MYO18A: variants seen among roughly 807,000 people sequenced by gnomAD.
The protein encoded by MYO18A is myosin XVIIIA, also known as unconventional myosin-XVIIIa.
Under a neutral mutation model 235.8 loss-of-function variants are expected in MYO18A, and 78 were observed. The ratio of observed to expected loss-of-function variants is 0.33; its 90% CI spans 0.28 to 0.40. The LOEUF (loss-of-function observed/expected upper bound fraction) is 0.40. Among genes scored for constraint, MYO18A ranks in the 10% least tolerant of loss-of-function variants. MYO18A has a pLI of 1.00. For synonymous variants in MYO18A, 977 were observed against 1,077.8 expected (o/e 0.91, Z 1.83); for missense variants, 2,215 against 2,699.3 (o/e 0.82, Z 3.98).
At chr17:29,128,255 G>T in intron 2 of MYO18A, 1 of 1,169,168 alleles carries the variant, frequency 8.6e-7, no homozygotes. Flanking sequence ...CTTGCTTCGA[G>T]TCGGGTGCTC....
intron 2 of MYO18A, among the ~76,000 whole-genome samples, chr17:29,137,354 A>G (rs543064032): frequency 1.1e-3 from 170 of 152,222 alleles, no homozygotes; most frequent in Non-Finnish European, 2.2e-3. Context: ...TATAAACTAC[A>G]GAGAACAACA....
intron 2 of MYO18A, among the ~76,000 whole-genome samples, chr17:29,136,521 AC>A (rs1478600560): frequency 3.3e-5 from 5 of 152,144 alleles, no homozygotes; most frequent in African/African-American, 9.7e-5. Context: ...AATATGGAGC[AC>A]CTACAATGAG....
In MYO18A at chr17:29,125,328, G is replaced by A. The variant is rs2067295316; in HGVS notation, c.1000-3075C>T. On this transcript the variant is annotated intron_variant, in intron 2 of 41. Coordinates refer to ENST00000527372, the MANE Select transcript of MYO18A (RefSeq NM_078471.4). This position sits in a 1 kb window ranked among gnomAD's most constrained non-coding sequence, Gnocchi z 5.1. Reference sequence around the variant, plus strand: ...CGTACCCTATAGCACTCCCACCTCTGCCAGCCAGGCACACCGACCCCATCT... The same window carrying A: ...CGTACCCTATAGCACTCCCACCTCTACCAGCCAGGCACACCGACCCCATCT... 6.6e-6 allele frequency among the ~76,000 whole-genome samples: 1 copy of A among 152,156 alleles called. No homozygotes were observed. Among genetic ancestry groups the A allele is most frequent in the Non-Finnish European group, 1.5e-5 (1 of 68,026 alleles).
intron 1 of MYO18A, among the ~76,000 whole-genome samples, chr17:29,167,251 C>T (rs1002908748): frequency 1.3e-5 from 2 of 152,076 alleles, no homozygotes; most frequent in Admixed American, 6.5e-5. Flanking sequence ...TTAGATAAGG[C>T]GGTAAAAGCC....
chr17:29,159,252 T>C (rs77252146), intron 2 of MYO18A, among the ~76,000 whole-genome samples: 81 of 152,088 alleles, frequency 5.3e-4, no homozygotes, highest in Non-Finnish European at 4.7e-4. Context: ...TGCATCCCAC[T>C]ACTCCACAAT....
intron 1 of MYO18A, among the ~76,000 whole-genome samples, chr17:29,178,887 C>G (rs1415991224): frequency 2.0e-5 from 3 of 152,202 alleles, no homozygotes; most frequent in Admixed American, 1.3e-4. Flanking sequence ...TCTTAATCAC[C>G]CAGGTGGCCT....
chr17:29,116,399 C>G, intron 11 of MYO18A, 45 bp downstream of exon 11: 1 of 1,613,332 alleles, frequency 6.2e-7, no homozygotes, highest in Non-Finnish European at 8.5e-7. Flanking sequence ...CAACATGTGT[C>G]TAATCACGGC....
intron 41 of MYO18A, chr17:29,078,310 T>G (rs1399847487): frequency 1.3e-5 from 2 of 152,228 alleles, no homozygotes; most frequent in African/African-American, 4.8e-5. Context: ...ATAACCATGC[T>G]CGGCTGACTC....
chr17:29,096,655 G>A, intron 28 of MYO18A, 106 bp downstream of exon 28: 1 of 1,359,862 alleles, frequency 7.4e-7, no homozygotes, highest in Non-Finnish European at 9.7e-7. Context: ...AAGGCCCCTG[G>A]ACAAATTCAG....
chr17:29,092,321 C>A, intron 34 of MYO18A, 22 bp downstream of exon 34: 4 of 1,589,042 alleles, frequency 2.5e-6, no homozygotes, highest in Non-Finnish European at 3.4e-6. Flanking sequence ...CGAGCTCTGC[C>A]CCGGGCACCT....
chr17:29,167,002 C>T lies in MYO18A; in HGVS notation c.-62G>A. ...GGATTATGAGTGCTTAGCACAGGGC[C>T]TTGGTGCCCCACTTTGCTGCTGCAA... On this transcript the variant is annotated 5_prime_UTR_variant, in exon 2 of 42. Coordinates refer to ENST00000527372, the MANE Select transcript of MYO18A (RefSeq NM_078471.4). 6.9e-7 allele frequency: 1 copy of T among 1,456,366 alleles called. No homozygotes were observed. The highest frequency in any genetic ancestry group is 1.4e-5 in the African/African-American group (1 of 70,026). The allele number at this position is 1,456,366 out of a possible 1,614,324, so 90.2% of individuals were successfully genotyped here.
chr17:29,095,803 A>G (rs1156839229), intron 28 of MYO18A, among the ~76,000 whole-genome samples: 1 of 152,210 alleles, frequency 6.6e-6, no homozygotes, highest in Non-Finnish European at 1.5e-5. Context: ...AAAGTAAGAA[A>G]ACTCCGGGCA....
chr17:29,132,442 G>A (rs559844759), intron 2 of MYO18A, among the ~76,000 whole-genome samples: 3 of 152,320 alleles, frequency 2.0e-5, no homozygotes, highest in South Asian at 4.1e-4. Context: ...TAGGACTACA[G>A]GAAAAAGACA....
At position 29,118,183 on chromosome 17, in the gene MYO18A, C is replaced by T; in HGVS notation, c.1900G>A (p.Glu634Lys). Residue 634 changes from glutamate to lysine, a missense_variant, in exon 10 of 42, where the codon GAA becomes AAA. Glu to Lys is a moderately conservative substitution (Grantham distance 56, BLOSUM62 1). Coordinates refer to ENST00000527372, the MANE Select transcript of MYO18A (RefSeq NM_078471.4). The surrounding 1 kb of genome is among the most constrained non-coding windows in gnomAD (Gnocchi z 4.2). ...AACTGCTGAGCTGCCTTCTGCTTTT[C>T]CTCAGGCTGTGGAGATAGATGACCT... ...FGIVPLAKPE[E>K]KQKAAQQFSK... is the part of the protein sequence containing the mutation. The T allele has an allele frequency of 1.9e-6, 3 of 1,599,052 alleles. No individual in the cohort carries two copies. Among genetic ancestry groups the T allele is most frequent in the East Asian group, 2.3e-5 (1 of 44,368 alleles).
chr17:29,136,251 AT>A (rs1341800419), intron 2 of MYO18A, among the ~76,000 whole-genome samples: 3,124 of 65,472 alleles, frequency 0.048, 29 homozygotes, highest in African/African-American at 0.065. Flanking sequence ...AAAAAAAAAA[AT>A]ATATATATAT....
chr17:29,086,085 C>G (rs2066246535), intron 39 of MYO18A, among the ~76,000 whole-genome samples: 1 of 152,260 alleles, frequency 6.6e-6, no homozygotes, highest in Non-Finnish European at 1.5e-5. Context: ...GAGAAAATCT[C>G]TGGCATAGTA....
At chr17:29,165,876 C>A in intron 2 of MYO18A, 66 bp downstream of exon 2, 1 of 1,458,466 alleles carries the variant, frequency 6.9e-7, no homozygotes, top group South Asian at 1.3e-5. Flanking sequence ...CCCGATTACC[C>A]AGTCAAGCAG....
chr17:29,135,096 C>CT (rs879638543), intron 2 of MYO18A, among the ~76,000 whole-genome samples: 130 of 144,734 alleles, frequency 9.0e-4, no homozygotes, highest in Middle Eastern at 3.6e-3. Flanking sequence ...ATAACTGGTT[C>CT]TTTTTTTTTT....
At chr17:29,078,087 T>A (rs554344439) in intron 41 of MYO18A, 1 of 152,252 alleles carries the variant, frequency 6.6e-6, no homozygotes, top group Non-Finnish European at 1.5e-5. Flanking sequence ...CGATCTCGGT[T>A]CATTGCAACC....
Sources: allele counts gnomAD v4.1 joint callset (sites outside exome capture counted in the v4.1 genomes callset), GRCh38; gene constraint gnomAD v4.1.1; non-coding constraint Gnocchi (gnomAD v3.1); transcripts MANE v1.5; gene names NCBI Gene and HGNC (gene_info 2026-07-23, HGNC 2026-07-21).